The following SV2B variants were observed in gnomAD, a reference collection of about 807,000 sequenced individuals.
SV2B encodes the protein synaptic vesicle glycoprotein 2B.
SV2B carries 41 observed loss-of-function variants against 73.9 expected under a neutral mutation model. That is an observed-to-expected ratio of 0.56 (90% CI 0.43 to 0.72). The LOEUF is 0.72. SV2B is among the 30% of genes least tolerant of loss of function. The pLI, the probability that SV2B is intolerant of heterozygous loss-of-function variation, is 0.00. For synonymous variants in SV2B, 314 were observed against 314.2 expected (o/e 1.00, Z 0.01); for missense variants, 764 against 857.8 (o/e 0.89, Z 1.37).
chr15:91,221,473 A>G (rs900178281), intron 1 of SV2B, among the ~76,000 whole-genome samples: 1 of 152,112 alleles, frequency 6.6e-6, no homozygotes, highest in Non-Finnish European at 1.5e-5. Context: ...TTAAATCTTA[A>G]TTACACAGGA....
At chr15:91,199,412 G>A (rs2045382125) in intron 1 of SV2B, among the ~76,000 whole-genome samples, 1 of 152,126 alleles carries the variant, frequency 6.6e-6, no homozygotes, top group African/African-American at 2.4e-5. Flanking sequence ...GATAATGGGG[G>A]GACAGGTGGC....
intron 1 of SV2B, among the ~76,000 whole-genome samples, chr15:91,174,185 C>T (rs535962604): frequency 2.6e-5 from 4 of 152,306 alleles, no homozygotes; most frequent in East Asian, 1.9e-4. Flanking sequence ...TGACTGATGA[C>T]GTGCAATAGA....
rs959063428 is a variant in SV2B, at chr15:91,137,624, T to C, written c.-392+37261T>C. ...ATATATTTCATATATATATTTCATA[T>C]ATACATATATTTCATATATACATAT... is the stretch of plus-strand genomic sequence containing the variant. On this transcript the variant is annotated intron_variant, in intron 1 of 12. Coordinates refer to ENST00000394232, the MANE Select transcript of SV2B (RefSeq NM_001323032.3). This position sits in a 1 kb window ranked among gnomAD's most constrained non-coding sequence, Gnocchi z 4.9. 3.3e-5 allele frequency among the ~76,000 whole-genome samples: 4 copies of C among 120,098 alleles called. No homozygotes were observed. Among genetic ancestry groups the C allele is most frequent in the Admixed American group, 2.4e-4 (3 of 12,704 alleles). 78.8% of individuals were successfully genotyped at this position (120,098 alleles called of 152,430 possible). A position where few individuals can be genotyped will look rare whatever the true frequency, so the allele number is the denominator to read the frequency against.
chr15:91,138,224 C>A (rs1222839102), intron 1 of SV2B, among the ~76,000 whole-genome samples: 1 of 152,218 alleles, frequency 6.6e-6, no homozygotes, highest in Non-Finnish European at 1.5e-5. Context: ...GAGCTTTCTG[C>A]AATGATAGGA....
At chr15:91,216,390 A>T (rs2046025885) in intron 1 of SV2B, among the ~76,000 whole-genome samples, 1 of 152,344 alleles carries the variant, frequency 6.6e-6, no homozygotes, top group Middle Eastern at 3.4e-3. Context: ...ACTACAGGCA[A>T]GTGAGAAAGT....
rs138435681 is a variant in SV2B, at chr15:91,241,143, T to C, written c.452-10676T>C. ...TAATAAGTGATTTCCATTATCCTGG[T>C]CTGTCGTTTCCTTAAAGTCCTCTCC... On this transcript the variant is annotated intron_variant, in intron 2 of 12. Transcript: ENST00000394232. This position sits in a 1 kb window ranked among gnomAD's most constrained non-coding sequence, Gnocchi z 4.8. 2.3e-3 allele frequency among the ~76,000 whole-genome samples: 353 copies of C among 152,336 alleles called. No individual in the cohort carries two copies. The highest frequency in any genetic ancestry group is 8.1e-3 in the African/African-American group (337 of 41,588).
chr15:91,217,638 A>G (rs1443157005), intron 1 of SV2B, among the ~76,000 whole-genome samples: 1 of 152,008 alleles, frequency 6.6e-6, no homozygotes, highest in East Asian at 1.9e-4. Context: ...GTTGCTCTTA[A>G]CTTGAAAGAG....
chr15:91,228,900 T>A (rs8034404), intron 2 of SV2B, among the ~76,000 whole-genome samples: 1 of 152,232 alleles, frequency 6.6e-6, no homozygotes, highest in Non-Finnish European at 1.5e-5. Flanking sequence ...TCACATGGAA[T>A]CTTCAGAGTC....
At chr15:91,145,237 C>A (rs1256612913) in intron 1 of SV2B, among the ~76,000 whole-genome samples, 1 of 152,126 alleles carries the variant, frequency 6.6e-6, no homozygotes, top group Admixed American at 6.5e-5. Flanking sequence ...TGAGAATATG[C>A]AATATTTGGT....
intron 12 of SV2B, among the ~76,000 whole-genome samples, chr15:91,291,967 T>A (rs2141815316): frequency 6.6e-6 from 1 of 152,348 alleles, no homozygotes; most frequent in Admixed American, 6.5e-5. Context: ...TGGCAGTCTC[T>A]GCTTCAGGAG....
chr15:91,138,153 A>G (rs1299090417), intron 1 of SV2B, among the ~76,000 whole-genome samples: 1 of 152,186 alleles, frequency 6.6e-6, no homozygotes, highest in African/African-American at 2.4e-5. Context: ...ACAAAACCCA[A>G]CAATAACAAA....
At chr15:91,203,767 G>T in intron 1 of SV2B, among the ~76,000 whole-genome samples, 1 of 152,162 alleles carries the variant, frequency 6.6e-6, no homozygotes, top group East Asian at 1.9e-4. Context: ...TCAAGTTCCT[G>T]CGTGTTAAAT....
chr15:91,135,951 AGG>A, intron 1 of SV2B, among the ~76,000 whole-genome samples: 1 of 152,332 alleles, frequency 6.6e-6, no homozygotes, highest in East Asian at 1.9e-4. Flanking sequence ...TTCACCTTGC[AGG>A]AGGGCAAGAG....
chr15:91,163,930 T>C (rs1477014722), intron 1 of SV2B, among the ~76,000 whole-genome samples: 1 of 152,218 alleles, frequency 6.6e-6, no homozygotes, highest in Admixed American at 6.5e-5. Context: ...CATCTTGAAT[T>C]AATTTTTGTA....
chr15:91,197,226 G>A lies in SV2B; in HGVS notation c.-391-28647G>A, dbSNP rs888999659. Among the ~76,000 whole-genome samples the A allele has an allele frequency of 7.0e-6, 1 of 142,596 alleles. No homozygotes were observed. Among genetic ancestry groups the A allele is most frequent in the African/African-American group, 3.0e-5 (1 of 32,924 alleles). 93.5% of individuals were successfully genotyped at this position (142,596 alleles called of 152,430 possible). A position where few individuals can be genotyped will look rare whatever the true frequency, so the allele number is the denominator to read the frequency against. On this transcript the variant is annotated intron_variant, in intron 1 of 12. Coordinates refer to ENST00000394232, the MANE Select transcript of SV2B (RefSeq NM_001323032.3). This position sits in a 1 kb window ranked among gnomAD's most constrained non-coding sequence, Gnocchi z 4.9. ...TTGTGTTTTTTTTGTTTTTTGTTTT[G>A]TTTTGTTTTGTTTTGTTTTGAGACA... is the stretch of plus-strand genomic sequence containing the variant.
chr15:91,250,411 G>T (rs1025262003), intron 2 of SV2B, among the ~76,000 whole-genome samples: 1 of 152,050 alleles, frequency 6.6e-6, no homozygotes, highest in Non-Finnish European at 1.5e-5. Context: ...AAGCTGAAAG[G>T]TTTACCCCTA....
At chr15:91,225,654 T>G (rs2046350132) in intron 1 of SV2B, among the ~76,000 whole-genome samples, 1 of 152,156 alleles carries the variant, frequency 6.6e-6, no homozygotes, top group African/African-American at 2.4e-5. Flanking sequence ...CAATTAGAGC[T>G]TCAAAGGGCC....
rs2048697384 is a variant in SV2B at position 91,281,992 on chromosome 15, G to T, written c.1507+131G>T. Reference sequence around the variant, plus strand: ...GTAGATACAAATGCCAAGCCTTGGTGGGGAAATGGATTTTAGCCCCAGGCA... The same window carrying T: ...GTAGATACAAATGCCAAGCCTTGGTTGGGAAATGGATTTTAGCCCCAGGCA... On this transcript the variant is annotated intron_variant, in intron 10 of 12. Transcript: ENST00000394232. This position sits in a 1 kb window ranked among gnomAD's most constrained non-coding sequence, Gnocchi z 4.7. The T allele has an allele frequency of 1.8e-6, 2 of 1,142,194 alleles. No homozygotes were observed. Among genetic ancestry groups the T allele is most frequent in the Admixed American group, 5.4e-5 (2 of 37,000 alleles). The allele number at this position is 1,142,194 out of a possible 1,614,324, so 70.8% of individuals were successfully genotyped here.
chr15:91,118,274 A>G lies in SV2B; in HGVS notation c.-392+17911A>G, dbSNP rs899629398. ...TGGAATGGAGTCTACTATTCAGGAGAGTGCTTTAGAGGGTTTGATGTGTGC... is the reference window on the plus strand; with the variant it reads ...TGGAATGGAGTCTACTATTCAGGAGGGTGCTTTAGAGGGTTTGATGTGTGC... On this transcript the variant is annotated intron_variant, in intron 1 of 12. Transcript: ENST00000394232. The surrounding 1 kb of genome is among the most constrained non-coding windows in gnomAD (Gnocchi z 4.7). Among the ~76,000 whole-genome samples the G allele has an allele frequency of 1.3e-5, 2 of 151,998 alleles. No homozygotes were observed. Among genetic ancestry groups the G allele is most frequent in the Admixed American group, 6.6e-5 (1 of 15,260 alleles).
Sources: allele counts gnomAD v4.1 joint callset (sites outside exome capture counted in the v4.1 genomes callset), GRCh38; gene constraint gnomAD v4.1.1; non-coding constraint Gnocchi (gnomAD v3.1); transcripts MANE v1.5; gene names NCBI Gene and HGNC (gene_info 2026-07-23, HGNC 2026-07-21).